The following AKAP19 variants were observed in gnomAD, a reference collection of about 807,000 sequenced individuals.
AKAP19 encodes A-kinase anchoring protein 19.
At chr2:190,079,153 C>T in the AKAP19 span, 1 of 152,274 alleles carries the variant, frequency 6.6e-6, no homozygotes, top group African/African-American at 2.4e-5. Flanking sequence ...GAATTTTCAA[C>T]TTAACATGTC....
the AKAP19 span, among the ~76,000 whole-genome samples, chr2:190,076,379 C>G: frequency 6.6e-6 from 1 of 152,136 alleles, no homozygotes; most frequent in African/African-American, 2.4e-5. Context: ...GCAAGCTCTC[C>G]CCAGTGGAGA....
At chr2:190,136,526 A>G in the AKAP19 span, among the ~76,000 whole-genome samples, 1 of 152,192 alleles carries the variant, frequency 6.6e-6, no homozygotes, top group Non-Finnish European at 1.5e-5. Flanking sequence ...TCTGGACAAC[A>G]TAAGTAAACA....
the AKAP19 span, among the ~76,000 whole-genome samples, chr2:190,012,275 C>G: frequency 6.7e-6 from 1 of 149,316 alleles, no homozygotes; most frequent in East Asian, 2.0e-4. Context: ...CAGTCACACA[C>G]CACCACACCT....
chr2:189,968,675 T>C, the AKAP19 span, among the ~76,000 whole-genome samples: 7 of 151,996 alleles, frequency 4.6e-5, no homozygotes, highest in Non-Finnish European at 8.8e-5. Flanking sequence ...AGTAGAAGAA[T>C]GAAAAAAGAA....
chr2:190,192,452 CTGTGTGTGTGTGTGTGTG>C, the AKAP19 span, among the ~76,000 whole-genome samples: 18 of 145,358 alleles, frequency 1.2e-4, no homozygotes, highest in East Asian at 2.0e-4. Flanking sequence ...AATTCAGAAT[CTGTGTGTGTGTGTGTGTG>C]TGTGTGTGTG....
the AKAP19 span, among the ~76,000 whole-genome samples, chr2:190,078,331 C>G: frequency 6.6e-6 from 1 of 152,192 alleles, no homozygotes; most frequent in East Asian, 1.9e-4. Context: ...TTATATTTTA[C>G]CCTATGTTCT....
the AKAP19 span, chr2:190,060,343 G>A: frequency 8.1e-6 from 13 of 1,612,472 alleles, no homozygotes; most frequent in African/African-American, 1.3e-5. Context: ...TATATCCATA[G>A]TTGGGCCTTT....
At chr2:190,143,766 C>G in the AKAP19 span, among the ~76,000 whole-genome samples, 1 of 150,764 alleles carries the variant, frequency 6.6e-6, no homozygotes, top group Non-Finnish European at 1.5e-5. Context: ...GACTTGGAAC[C>G]AAGCCAAATG....
chr2:190,071,657 A>G, the AKAP19 span, among the ~76,000 whole-genome samples: 2 of 152,206 alleles, frequency 1.3e-5, no homozygotes, highest in Admixed American at 6.5e-5. Flanking sequence ...GTCAATAATA[A>G]TACCAGTAAT....
the AKAP19 span, chr2:189,930,931 C>A: frequency 1.4e-6 from 1 of 720,858 alleles, no homozygotes; most frequent in South Asian, 1.6e-5. Context: ...AGTTCCCTCG[C>A]TAAAGCTAGC....
chr2:190,150,716 C>T, the AKAP19 span, among the ~76,000 whole-genome samples: 4 of 151,210 alleles, frequency 2.6e-5, no homozygotes, highest in Non-Finnish European at 4.4e-5. Flanking sequence ...GTCCTTTGGA[C>T]AAAGTATGAT....
chr2:190,060,427 G>A, the AKAP19 span: 1 of 1,609,354 alleles, frequency 6.2e-7, no homozygotes, highest in Non-Finnish European at 8.5e-7. Flanking sequence ...ACTTGCATTA[G>A]AAAATCAGCT....
the AKAP19 span, among the ~76,000 whole-genome samples, chr2:189,948,283 C>G: frequency 1.3e-5 from 2 of 152,024 alleles, no homozygotes; most frequent in Non-Finnish European, 2.9e-5. Context: ...TTTTACCAAG[C>G]CTTGTTACAG....
the AKAP19 span, among the ~76,000 whole-genome samples, chr2:190,128,209 G>A: frequency 3.3e-5 from 5 of 151,982 alleles, no homozygotes; most frequent in Non-Finnish European, 7.4e-5. Context: ...TGGGGTTTTA[G>A]AGAACATTAT....
At chr2:189,956,667 C>G in the AKAP19 span, among the ~76,000 whole-genome samples, 3 of 152,282 alleles carry the variant, frequency 2.0e-5, no homozygotes, top group East Asian at 5.8e-4. Flanking sequence ...CAGCCTTGAA[C>G]TTCTAGGCTC....
the AKAP19 span, among the ~76,000 whole-genome samples, chr2:190,144,437 A>T: frequency 6.6e-6 from 1 of 152,084 alleles, no homozygotes; most frequent in Non-Finnish European, 1.5e-5. Flanking sequence ...AAAATATTCT[A>T]TTTTATTCAT....
At chr2:189,956,168 C>CT in the AKAP19 span, among the ~76,000 whole-genome samples, 5 of 4,344 alleles carry the variant, frequency 1.2e-3, no homozygotes, top group Non-Finnish European at 1.5e-3. Flanking sequence ...AGTATATTTT[C>CT]TTTTTTTTCT....
chr2:190,035,005 T>C, the AKAP19 span, among the ~76,000 whole-genome samples: 3 of 152,318 alleles, frequency 2.0e-5, no homozygotes, highest in African/African-American at 7.2e-5. Flanking sequence ...TCTTGTTTTA[T>C]CTATTCCCTA....
chr2:190,074,615 T>C, the AKAP19 span, among the ~76,000 whole-genome samples: 5 of 150,426 alleles, frequency 3.3e-5, no homozygotes, highest in Non-Finnish European at 7.4e-5. Context: ...ATCACACCAC[T>C]GCACTCCAGC....
Sources: allele counts gnomAD v4.1 joint callset (sites outside exome capture counted in the v4.1 genomes callset), GRCh38; gene constraint gnomAD v4.1.1; transcripts MANE v1.5; gene names NCBI Gene and HGNC (gene_info 2026-07-23, HGNC 2026-07-21).